Variants in PRKN observed in about 807,000 individuals in gnomAD.
PRKN encodes parkin RBR E3 ubiquitin protein ligase, also known as E3 ubiquitin-protein ligase parkin.
PRKN carries 56 observed loss-of-function variants against 59.5 expected under a neutral mutation model. The ratio of observed to expected loss-of-function variants is 0.94; its 90% CI spans 0.76 to 1.18. The LOEUF is 1.18. PRKN is among the 50% of genes most tolerant of loss of function. The pLI is 0.00. For synonymous variants in PRKN, 250 were observed against 222.1 expected, an observed-to-expected ratio of 1.13 and a Z score of -1.12; for missense variants, 657 against 596.4, an observed-to-expected ratio of 1.10 and a Z score of -1.06.
intron 9 of PRKN, among the ~76,000 whole-genome samples, chr6:161,505,366 GGGGT>G (rs1318450567): frequency 7.4e-5 from 4 of 54,174 alleles, no homozygotes; most frequent in Non-Finnish European, 1.7e-4. Flanking sequence ...ACTCTTTGAT[GGGGT>G]TGTTTGTTTT....
At chr6:162,690,753 C>A (rs1166305896) in intron 1 of PRKN, among the ~76,000 whole-genome samples, 1 of 152,162 alleles carries the variant, frequency 6.6e-6, no homozygotes, top group Non-Finnish European at 1.5e-5. Flanking sequence ...TCTTTGCTTC[C>A]TTTAAGATAC....
chr6:162,520,348 T>C (rs958501814), intron 1 of PRKN, among the ~76,000 whole-genome samples: 3 of 152,190 alleles, frequency 2.0e-5, no homozygotes, highest in African/African-American at 7.2e-5. Flanking sequence ...ACTCTAAGCA[T>C]TGTAAATGGT....
At chr6:161,370,960 G>A (rs1785419419) in intron 10 of PRKN, among the ~76,000 whole-genome samples, 1 of 152,208 alleles carries the variant, frequency 6.6e-6, no homozygotes, top group Non-Finnish European at 1.5e-5. Context: ...CAGTCAAGCA[G>A]GTGGGCCAGT....
In PRKN at chr6:161,410,036, T is replaced by G. The variant is rs1176517600; in HGVS notation, c.1084-23159A>C. 6.6e-6 allele frequency among the ~76,000 whole-genome samples: 1 copy of G among 152,198 alleles called. No homozygotes were observed. Among genetic ancestry groups the G allele is most frequent in the Admixed American group, 6.5e-5 (1 of 15,284 alleles). ...CAGGCACAGTGACCTTTCCTGTACC[T>G]GTGCTAGGATGCAAAAGATCATAGG... On this transcript the variant is annotated intron_variant, in intron 9 of 11. Coordinates refer to ENST00000366898, the MANE Select transcript of PRKN (RefSeq NM_004562.3). The surrounding 1 kb of genome is among the most constrained non-coding windows in gnomAD (Gnocchi z 5.3).
chr6:162,086,439 G>C (rs183847401), intron 4 of PRKN, among the ~76,000 whole-genome samples: 1 of 151,778 alleles, frequency 6.6e-6, no homozygotes, highest in African/African-American at 2.4e-5. Context: ...TTCACCAATG[G>C]AGAGAAAAGA....
intron 7 of PRKN, among the ~76,000 whole-genome samples, chr6:161,633,997 A>AACACACACACACACAC (rs141101298): frequency 4.2e-5 from 6 of 142,020 alleles, no homozygotes; most frequent in South Asian, 2.4e-4. Flanking sequence ...GGAAAACTTA[A>AACACACACACACACAC]ACACACACAC....
At chr6:162,500,156 G>A (rs1234577318) in intron 1 of PRKN, among the ~76,000 whole-genome samples, 1 of 147,256 alleles carries the variant, frequency 6.8e-6, no homozygotes, top group Non-Finnish European at 1.5e-5. Context: ...GCCACAAACA[G>A]CCTTTCTCTT....
At chr6:162,386,905 C>T (rs531180294) in intron 2 of PRKN, among the ~76,000 whole-genome samples, 3 of 152,210 alleles carry the variant, frequency 2.0e-5, no homozygotes, top group African/African-American at 2.4e-5. Flanking sequence ...ATATAGACTA[C>T]GTCAATAAGG....
In PRKN at chr6:161,476,203, T is replaced by A. The variant is rs551728389; in HGVS notation, c.1083+72651A>T. 3.4e-5 allele frequency among the ~76,000 whole-genome samples: 5 copies of A among 147,762 alleles called. No individual in the cohort carries two copies. The East Asian group carries it at 7.9e-4, about 23-fold the overall frequency. The stretch of plus-strand genomic sequence containing the variant: ...CTCTGTCTCAGGAAAAAAAAAAAAA[T>A]TATTCAAGATAGTGTCCAAACTGTT... On this transcript the variant is annotated intron_variant, in intron 9 of 11. Coordinates refer to ENST00000366898, the MANE Select transcript of PRKN (RefSeq NM_004562.3).
rs73782871 is a variant in PRKN at position 161,407,617 on chromosome 6, C to T, written c.1084-20740G>A. Among the ~76,000 whole-genome samples the T allele has an allele frequency of 0.016, 2,376 of 152,236 alleles. 74 individuals carry two copies. Among genetic ancestry groups the T allele is most frequent in the African/African-American group, 0.055 (2,276 of 41,524 alleles). On this transcript the variant is annotated intron_variant, in intron 9 of 11. Transcript: ENST00000366898. The surrounding 1 kb of genome is among the most constrained non-coding windows in gnomAD (Gnocchi z 4.9). Reference sequence around the variant, plus strand: ...AAGTGTTGGATGCAAAGCTGTCAGGCCTCTGAGTCGAAGCTCAGCCATTAT... The same window carrying T: ...AAGTGTTGGATGCAAAGCTGTCAGGTCTCTGAGTCGAAGCTCAGCCATTAT...
chr6:162,590,136 CT>C (rs765204795), intron 1 of PRKN, among the ~76,000 whole-genome samples: 69 of 152,264 alleles, frequency 4.5e-4, no homozygotes, highest in Non-Finnish European at 4.9e-4. Context: ...TATCTTTCTT[CT>C]CCTTTCCTTT....
Position 161,409,527 on chromosome 6 carries a change from C to T in PRKN, c.1084-22650G>A, listed in dbSNP as rs1031266759. 3.9e-5 allele frequency among the ~76,000 whole-genome samples: 6 copies of T among 152,288 alleles called. No homozygotes were observed. The South Asian group carries it at 1.2e-3, about 32-fold the overall frequency. On this transcript the variant is annotated intron_variant, in intron 9 of 11. Transcript: ENST00000366898. This position sits in a 1 kb window ranked among gnomAD's most constrained non-coding sequence, Gnocchi z 4.6. Reference sequence around the variant, plus strand: ...AGACAAGTAGCTTTCCTACTGACAGCACCTCTCAGTTCAAAGGAAAGTGGT... The same window carrying T: ...AGACAAGTAGCTTTCCTACTGACAGTACCTCTCAGTTCAAAGGAAAGTGGT...
chr6:161,598,858 C>G (rs1427387972), intron 7 of PRKN, among the ~76,000 whole-genome samples: 4 of 152,102 alleles, frequency 2.6e-5, no homozygotes, highest in African/African-American at 9.7e-5. Flanking sequence ...AGTCTTAACC[C>G]TAAGTACCAA....
intron 2 of PRKN, among the ~76,000 whole-genome samples, chr6:162,280,088 A>C (rs1472940793): frequency 6.6e-6 from 1 of 152,080 alleles, no homozygotes; most frequent in East Asian, 1.9e-4. Flanking sequence ...GGGTCTCCTG[A>C]ATACAGCACA....
chr6:162,653,548 T>C (rs1362697627), intron 1 of PRKN, among the ~76,000 whole-genome samples: 1 of 152,212 alleles, frequency 6.6e-6, no homozygotes. Flanking sequence ...TGGTAAATTT[T>C]GTGTATTTGG....
At chr6:162,422,019 G>T (rs1345153731) in intron 2 of PRKN, among the ~76,000 whole-genome samples, 1 of 152,062 alleles carries the variant, frequency 6.6e-6, no homozygotes, top group East Asian at 1.9e-4. Flanking sequence ...ATCACATATG[G>T]CTGCTCTGGG....
intron 6 of PRKN, among the ~76,000 whole-genome samples, chr6:161,844,323 A>G (rs543336870): frequency 6.6e-6 from 1 of 152,378 alleles, no homozygotes; most frequent in African/African-American, 2.4e-5. Flanking sequence ...ACATTGCAGA[A>G]TGGGAGTAGA....
rs1368271100 is a variant in PRKN, at chr6:161,353,243, G to C, written c.1286-3032C>G. The stretch of plus-strand genomic sequence containing the variant: ...CCCTCCTTTTACCAGCCCAGGGCAG[G>C]ACTGGAACCATCCGCAGCTGTTCTG... On this transcript the variant is annotated intron_variant, in intron 11 of 11. Transcript: ENST00000366898. This position sits in a 1 kb window ranked among gnomAD's most constrained non-coding sequence, Gnocchi z 4.8. Among the ~76,000 whole-genome samples the C allele has an allele frequency of 6.6e-6, 1 of 152,134 alleles. No individual in the cohort carries two copies. The highest frequency in any genetic ancestry group is 2.4e-5 in the African/African-American group (1 of 41,424).
rs201969384 is a variant in PRKN at position 162,258,533 on chromosome 6, A to C, written c.412+3992T>G. Among the ~76,000 whole-genome samples, 5 of 46,500 alleles carry C rather than the reference A, an allele frequency of 1.1e-4. No homozygotes were observed. In the African/African-American group the frequency reaches 2.0e-3, roughly 19 times the overall value. 30.5% of individuals were successfully genotyped at this position (46,500 alleles called of 152,430 possible). ...TCAACGTTCTTATTGAAAATGTAGT[A>C]AAAATAGATTTTATTCACTGACCAT... On this transcript the variant is annotated intron_variant, in intron 3 of 11. Coordinates refer to ENST00000366898, the MANE Select transcript of PRKN (RefSeq NM_004562.3).
Sources: gnomAD v4.1 joint callset for allele counts (sites outside exome capture counted in the v4.1 genomes callset) on GRCh38, gnomAD v4.1.1 for gene constraint, Gnocchi (gnomAD v3.1) non-coding constraint, MANE v1.5 for transcripts, NCBI Gene and HGNC (gene_info 2026-07-23, HGNC 2026-07-21) for gene names.